Variants in PRKCB observed in about 807,000 individuals in gnomAD.
PRKCB encodes protein kinase C beta.
PRKCB carries 13 observed loss-of-function variants against 81.5 expected under a neutral mutation model. The observed-to-expected ratio is 0.16, with a 90% CI of 0.10 to 0.25. PRKCB has a LOEUF of 0.25. Among genes scored for constraint, PRKCB ranks in the 10% least tolerant of loss-of-function variants. The pLI is 1.00. For missense variants in PRKCB, 509 were observed against 875.7 expected (o/e 0.58, Z 5.29); for synonymous variants, 335 against 321.4 (o/e 1.04, Z -0.45).
At chr16:23,886,083 CTG>C (rs1963194198) in intron 2 of PRKCB, among the ~76,000 whole-genome samples, 1 of 152,190 alleles carries the variant, frequency 6.6e-6, no homozygotes. Flanking sequence ...GCTGTAGAAA[CTG>C]AGGTCCTAAG....
chr16:24,146,407 C>T (rs1323959389), intron 9 of PRKCB, among the ~76,000 whole-genome samples: 1 of 152,186 alleles, frequency 6.6e-6, no homozygotes, highest in East Asian at 1.9e-4. Flanking sequence ...ACTCTCTCAG[C>T]AGCACCAAAA....
rs1343140799 is a variant in PRKCB, at chr16:24,218,853, T to C, written c.*4037T>C. On this transcript the variant is annotated 3_prime_UTR_variant, in exon 17 of 17. Transcript: ENST00000643927. ...TGGTTGTCTTGTAATAAAACAGCCATGGGGTTGTCCCTCCAGTCCGAGAGA... is the reference window on the plus strand; with the variant it reads ...TGGTTGTCTTGTAATAAAACAGCCACGGGGTTGTCCCTCCAGTCCGAGAGA... The C allele has an allele frequency of 2.3e-5, 23 of 985,294 alleles. No individual in the cohort carries two copies. In the Admixed American group the frequency reaches 1.4e-3, roughly 58 times the overall value. 61.0% of individuals were successfully genotyped at this position (985,294 alleles called of 1,614,324 possible). A position where few individuals can be genotyped will look rare whatever the true frequency, so the allele number is the denominator to read the frequency against.
intron 7 of PRKCB, among the ~76,000 whole-genome samples, 191 bp downstream of exon 7, chr16:24,094,488 A>G (rs1018261572): frequency 3.9e-5 from 6 of 152,226 alleles, no homozygotes; most frequent in Non-Finnish European, 8.8e-5. Context: ...GAAAGAGGCC[A>G]GGCCTCGTGT....
chr16:24,213,280 G>T (rs911656245), intron 16 of PRKCB, among the ~76,000 whole-genome samples: 1 of 151,870 alleles, frequency 6.6e-6, no homozygotes, highest in East Asian at 1.9e-4. Context: ...TGATCCACCC[G>T]CCTCCTCCTC....
At position 23,930,791 on chromosome 16, in the gene PRKCB, A is replaced by G. The variant is rs1019117914; in HGVS notation, c.206-57717A>G. ...AAGCTCTTAGTGCAATACACGACAC[A>G]TAGATAACATTTAATTTTATTATCG... is the stretch of plus-strand genomic sequence containing the variant. On this transcript the variant is annotated intron_variant, in intron 2 of 16. Transcript: ENST00000643927. Among the ~76,000 whole-genome samples the G allele has an allele frequency of 2.6e-5, 4 of 152,166 alleles. 1 individual carries two copies. The highest frequency in any genetic ancestry group is 5.9e-5 in the Non-Finnish European group (4 of 68,008).
chr16:23,956,802 G>T (rs1964354976), intron 2 of PRKCB, among the ~76,000 whole-genome samples: 1 of 151,974 alleles, frequency 6.6e-6, no homozygotes, highest in Admixed American at 6.6e-5. Flanking sequence ...AGGACTGAAA[G>T]GTCTTGGGAT....
chr16:23,881,335 A>T (rs1051067042), intron 2 of PRKCB, among the ~76,000 whole-genome samples: 30 of 147,386 alleles, frequency 2.0e-4, no homozygotes, highest in African/African-American at 6.8e-4. Flanking sequence ...TCACTGCTAC[A>T]TTTGCCTCCC....
At chr16:23,858,487 C>T (rs912034965) in intron 2 of PRKCB, among the ~76,000 whole-genome samples, 1 of 151,896 alleles carries the variant, frequency 6.6e-6, no homozygotes, top group Non-Finnish European at 1.5e-5. Flanking sequence ...ATGAAACTGG[C>T]AACATTTGAC....
intron 2 of PRKCB, among the ~76,000 whole-genome samples, chr16:23,983,294 T>A (rs1964761753): frequency 6.6e-6 from 1 of 152,168 alleles, no homozygotes; most frequent in African/African-American, 2.4e-5. Flanking sequence ...AGAAACACAC[T>A]GTGTAAAGGA....
chr16:23,926,474 A>ACT (rs3073129), intron 2 of PRKCB, among the ~76,000 whole-genome samples: 146,063 of 151,404 alleles, frequency 0.96, 70,543 homozygotes, highest in East Asian at 1. Context: ...ACAGAGTGAG[A>ACT]CTGTTTCAAA....
At chr16:23,924,401 A>G (rs1963868907) in intron 2 of PRKCB, among the ~76,000 whole-genome samples, 1 of 152,010 alleles carries the variant, frequency 6.6e-6, no homozygotes, top group Admixed American at 6.6e-5. Context: ...ACGCATGGCC[A>G]TGCCTAACTT....
At chr16:24,019,994 C>T (rs1053835697) in intron 3 of PRKCB, among the ~76,000 whole-genome samples, 2 of 152,080 alleles carry the variant, frequency 1.3e-5, no homozygotes, top group Admixed American at 6.6e-5. Context: ...ATTTTACCTT[C>T]GTCCAACGTG....
chr16:24,139,834 C>T (rs373699143), intron 9 of PRKCB, among the ~76,000 whole-genome samples: 15 of 152,302 alleles, frequency 9.8e-5, no homozygotes, highest in African/African-American at 2.6e-4. Flanking sequence ...TTGATCTATA[C>T]GCCGGATATC....
chr16:24,218,326 C>T lies in PRKCB; in HGVS notation c.*3510C>T, dbSNP rs979041882. On this transcript the variant is annotated 3_prime_UTR_variant, in exon 17 of 17. Transcript: ENST00000643927. ...GTTGTGAACACCGGAAGTAACATGCCGAGCGCCTGGGGGATGGAAACTCCT... is the reference window on the plus strand; with the variant it reads ...GTTGTGAACACCGGAAGTAACATGCTGAGCGCCTGGGGGATGGAAACTCCT... The T allele has an allele frequency of 3.4e-5, 33 of 985,030 alleles. No homozygotes were observed. In the Admixed American group the frequency reaches 6.8e-4, roughly 20 times the overall value. 61.0% of individuals were successfully genotyped at this position (985,030 alleles called of 1,614,324 possible). A position where few individuals can be genotyped will look rare whatever the true frequency, so the allele number is the denominator to read the frequency against.
chr16:24,095,770 C>T (rs1018853329), intron 7 of PRKCB, among the ~76,000 whole-genome samples: 6 of 151,894 alleles, frequency 4.0e-5, no homozygotes, highest in East Asian at 3.9e-4. Context: ...CCATTGGTTA[C>T]GAGAAATGCA....
intron 9 of PRKCB, among the ~76,000 whole-genome samples, chr16:24,153,885 G>A (rs1267908376): frequency 6.6e-6 from 1 of 152,210 alleles, no homozygotes; most frequent in African/African-American, 2.4e-5. Flanking sequence ...TGTATCCCCA[G>A]TGCTTAGCAG....
chr16:23,837,429 T>C, intron 2 of PRKCB, 23 bp downstream of exon 2: 1 of 1,603,376 alleles, frequency 6.2e-7, no homozygotes, highest in African/African-American at 1.4e-5. Flanking sequence ...GCTTTGGGGA[T>C]GCTATTTGTG....
At chr16:24,173,359 TA>T (rs1428182216) in intron 11 of PRKCB, among the ~76,000 whole-genome samples, 1 of 152,174 alleles carries the variant, frequency 6.6e-6, no homozygotes, top group African/African-American at 2.4e-5. Flanking sequence ...GGGAGTTTTC[TA>T]AGATCTTATT....
intron 2 of PRKCB, among the ~76,000 whole-genome samples, chr16:23,848,637 T>C (rs1220103067): frequency 2.6e-5 from 4 of 152,152 alleles, no homozygotes; most frequent in Non-Finnish European, 5.9e-5. Flanking sequence ...AGTGGGTACG[T>C]GTTTATTGAG....
Sources: allele counts gnomAD v4.1 joint callset (sites outside exome capture counted in the v4.1 genomes callset), GRCh38; gene constraint gnomAD v4.1.1; transcripts MANE v1.5; gene names NCBI Gene and HGNC (gene_info 2026-07-23, HGNC 2026-07-21).